FBLN5: variants seen among roughly 807,000 people sequenced by gnomAD.
FBLN5 encodes fibulin-5.
FBLN5 carries 24 observed loss-of-function variants against 61.6 expected under a neutral mutation model. The observed-to-expected ratio is 0.39, with a 90% confidence interval of 0.28 to 0.55. The LOEUF (loss-of-function observed/expected upper bound fraction) is 0.55. Ranked by LOEUF, FBLN5 falls within the 20% of genes least tolerant of loss-of-function variation. FBLN5 has a pLI of 0.65. For synonymous variants in FBLN5, 213 were observed against 219.8 expected, an observed-to-expected ratio of 0.97 and a Z score of 0.27; for missense variants, 470 against 594.1, an observed-to-expected ratio of 0.79 and a Z score of 2.17.
chr14:91,937,100 A>T lies in FBLN5; in HGVS notation c.226T>A (p.Tyr76Asn). ...YLCIPRTNPV[Y>N]RGPYSNPYST... is the part of the protein sequence containing the mutation. ...TAGGGGTTCGAGTAGGGCCCTCGATACACAGGGTTTGTCCGGGGAATGCAT... is the reference window on the plus strand; with the variant it reads ...TAGGGGTTCGAGTAGGGCCCTCGATTCACAGGGTTTGTCCGGGGAATGCAT... The change falls in exon 4 of 11, where the codon TAT becomes AAT. Residue 76 changes from tyrosine (Y) to asparagine (N), a missense_variant. Coordinates refer to ENST00000342058, the MANE Select transcript of FBLN5 (RefSeq NM_006329.4). 7 of 1,614,090 alleles carry T rather than the reference A, an allele frequency of 4.3e-6. No individual in the cohort carries two copies. Among genetic ancestry groups the T allele is most frequent in the Non-Finnish European group, 5.9e-6 (7 of 1,180,016 alleles).
At chr14:91,880,383 T>G (rs923304501) in intron 9 of FBLN5, among the ~76,000 whole-genome samples, 1 of 152,170 alleles carries the variant, frequency 6.6e-6, no homozygotes, top group Admixed American at 6.5e-5. Context: ...AAAGACCCCA[T>G]GTATCCAGAA....
intron 4 of FBLN5, among the ~76,000 whole-genome samples, chr14:91,898,832 C>T (rs1280896697): frequency 2.4e-5 from 3 of 125,828 alleles, no homozygotes; most frequent in Non-Finnish European, 3.2e-5. Context: ...GACGGAATCT[C>T]GCTCTGTCGC....
At chr14:91,896,177 T>C (rs1229192617) in intron 4 of FBLN5, among the ~76,000 whole-genome samples, 2 of 152,208 alleles carry the variant, frequency 1.3e-5, no homozygotes, top group Non-Finnish European at 2.9e-5. Flanking sequence ...CACTGCACTT[T>C]AGGGGAGAGC....
chr14:91,873,096 C>T (rs1458721629), intron 10 of FBLN5, among the ~76,000 whole-genome samples: 2 of 152,216 alleles, frequency 1.3e-5, no homozygotes, highest in Admixed American at 1.3e-4. Flanking sequence ...CCGGCCTCCA[C>T]CTGGGTCCAC....
intron 7 of FBLN5, among the ~76,000 whole-genome samples, chr14:91,886,122 C>T (rs1449161140): frequency 7.2e-5 from 11 of 152,176 alleles, no homozygotes; most frequent in Admixed American, 1.3e-4. Flanking sequence ...CAATAAAACC[C>T]GGATTAGGAA....
chr14:91,920,787 C>A (rs886184115), intron 4 of FBLN5, among the ~76,000 whole-genome samples: 1 of 152,172 alleles, frequency 6.6e-6, no homozygotes, highest in African/African-American at 2.4e-5. Context: ...AATGGTAGCA[C>A]GAAGTATGGA....
intron 4 of FBLN5, among the ~76,000 whole-genome samples, chr14:91,911,517 G>C (rs1403030744): frequency 6.6e-6 from 1 of 152,156 alleles, no homozygotes; most frequent in African/African-American, 2.4e-5. Flanking sequence ...GGAAGAGAAG[G>C]GAGTGTGAGG....
intron 10 of FBLN5, 131 bp downstream of exon 10, chr14:91,877,356 A>G (rs1057306770): frequency 2.6e-6 from 2 of 778,502 alleles, no homozygotes; most frequent in African/African-American, 1.7e-5. Flanking sequence ...CTTGAACCAC[A>G]CCCTCCACTC....
intron 5 of FBLN5, among the ~76,000 whole-genome samples, chr14:91,892,886 G>A (rs1014095591): frequency 6.6e-6 from 1 of 152,224 alleles, no homozygotes; most frequent in Non-Finnish European, 1.5e-5. Context: ...ATAATTAGGC[G>A]ACGTCTTCCT....
chr14:91,877,836 A>C, intron 9 of FBLN5, 154 bp from the exon 10 acceptor site: 1 of 700,560 alleles, frequency 1.4e-6, no homozygotes, highest in South Asian at 1.5e-5. Flanking sequence ...GCTTGAGTCT[A>C]AAATCTCTCC....
chr14:91,878,348 A>G (rs1889268539), intron 9 of FBLN5, among the ~76,000 whole-genome samples: 1 of 152,232 alleles, frequency 6.6e-6, no homozygotes, highest in South Asian at 2.1e-4. Context: ...AGCAACTATT[A>G]ACAGAGTGCC....
intron 4 of FBLN5, among the ~76,000 whole-genome samples, chr14:91,935,309 C>T (rs1292156417): frequency 2.6e-5 from 4 of 152,202 alleles, no homozygotes; most frequent in South Asian, 2.1e-4. Context: ...AGTTCCCAGC[C>T]GTTCTGCAAA....
At chr14:91,913,563 T>A (rs1217674505) in intron 4 of FBLN5, among the ~76,000 whole-genome samples, 4 of 152,236 alleles carry the variant, frequency 2.6e-5, no homozygotes, top group African/African-American at 9.6e-5. Context: ...GGGGCCATTA[T>A]ATTTCCAGTG....
intron 4 of FBLN5, among the ~76,000 whole-genome samples, chr14:91,902,941 G>C (rs1890520911): frequency 6.6e-6 from 1 of 152,148 alleles, no homozygotes; most frequent in South Asian, 2.1e-4. Context: ...GAGGAAGGGA[G>C]GGAGGCATGG....
intron 9 of FBLN5, among the ~76,000 whole-genome samples, chr14:91,880,460 A>G (rs1889372156): frequency 6.6e-6 from 1 of 152,216 alleles, no homozygotes; most frequent in Non-Finnish European, 1.5e-5. Flanking sequence ...TTAGCTTTCT[A>G]GAGAATCTTT....
At chr14:91,873,583 GTGGGTTCC>G (rs1889035633) in intron 10 of FBLN5, 1 of 152,472 alleles carries the variant, frequency 6.6e-6, no homozygotes, top group South Asian at 2.1e-4. Context: ...TAAGGTGTGT[GTGGGTTCC>G]TCCAGGGCAG....
chr14:91,907,350 C>T (rs773177277), intron 4 of FBLN5, among the ~76,000 whole-genome samples: 2 of 152,208 alleles, frequency 1.3e-5, no homozygotes, highest in African/African-American at 2.4e-5. Flanking sequence ...CCCGAAACCA[C>T]CTGCCTCTGG....
chr14:91,900,720 G>C (rs886070355), intron 4 of FBLN5, among the ~76,000 whole-genome samples: 1 of 152,220 alleles, frequency 6.6e-6, no homozygotes, highest in Non-Finnish European at 1.5e-5. Context: ...CAGGGCTGAT[G>C]TAGCCTGCCT....
chr14:91,902,095 T>C (rs1890475259), intron 4 of FBLN5, among the ~76,000 whole-genome samples: 1 of 152,188 alleles, frequency 6.6e-6, no homozygotes, highest in Non-Finnish European at 1.5e-5. Flanking sequence ...CAGCTGACTT[T>C]AGTTGCTTTC....
Sources: allele counts gnomAD v4.1 joint callset (sites outside exome capture counted in the v4.1 genomes callset), GRCh38; gene constraint gnomAD v4.1.1; transcripts MANE v1.5; gene names NCBI Gene and HGNC (gene_info 2026-07-23, HGNC 2026-07-21).